WDR25: variants seen among roughly 807,000 people sequenced by gnomAD.
The protein encoded by WDR25 is WD repeat domain 25.
A neutral mutation model predicts 47.7 loss-of-function variants in WDR25; 35 were observed. The ratio of observed to expected loss-of-function variants is 0.73; its 90% CI spans 0.56 to 0.97. WDR25 has a LOEUF of 0.97. WDR25 is among the 50% of genes least tolerant of loss of function. WDR25 has a pLI of 0.00. For synonymous variants in WDR25, 248 were observed against 278.9 expected, an observed-to-expected ratio of 0.89 and a Z score of 1.10; for missense variants, 634 against 704.7, an observed-to-expected ratio of 0.90 and a Z score of 1.14.
intron 2 of WDR25, among the ~76,000 whole-genome samples, chr14:100,403,766 A>G (rs1369005960): frequency 1.3e-5 from 2 of 152,182 alleles, no homozygotes; most frequent in Non-Finnish European, 2.9e-5. Flanking sequence ...GGCTGGAATG[A>G]GGCAGAATTA....
intron 3 of WDR25, chr14:100,480,907 G>A (rs965255428): frequency 3.1e-6 from 1 of 326,370 alleles, no homozygotes; most frequent in Non-Finnish European, 6.1e-6. Context: ...AAAGGCTCTC[G>A]TGGCTCTGCA....
At chr14:100,454,575 A>G (rs1899141377) in intron 2 of WDR25, 1 of 561,898 alleles carries the variant, frequency 1.8e-6, no homozygotes, top group Admixed American at 2.4e-5. Flanking sequence ...AAGCAGGCAG[A>G]GACTGGACAG....
chr14:100,529,513 C>T lies in WDR25; in HGVS notation c.1413+305C>T. On this transcript the variant is annotated intron_variant, in intron 6 of 6. Transcript: ENST00000402312. This position sits in a 1 kb window ranked among gnomAD's most constrained non-coding sequence, Gnocchi z 5.1. ...TGTCATTTCTGCATCCTTCCCTTTC[C>T]TCACTGAGGCCAAGCCTTGCTGGGG... 1.7e-6 allele frequency: 1 copy of T among 590,050 alleles called. No individual in the cohort carries two copies. Among genetic ancestry groups the T allele is most frequent in the Middle Eastern group, 4.2e-4 (1 of 2,358 alleles). 36.6% of individuals were successfully genotyped at this position (590,050 alleles called of 1,614,324 possible).
intron 4 of WDR25, among the ~76,000 whole-genome samples, chr14:100,524,382 G>A (rs1033777978): frequency 3.3e-5 from 5 of 152,172 alleles, no homozygotes; most frequent in Non-Finnish European, 1.5e-5. Context: ...CCCTGGGTCA[G>A]CCTCTTAGGG....
Position 100,529,283 on chromosome 14 carries a change from C to T in WDR25, c.1413+75C>T. On this transcript the variant is annotated intron_variant, in intron 6 of 6. Transcript: ENST00000402312. The surrounding 1 kb of genome is among the most constrained non-coding windows in gnomAD (Gnocchi z 5.1). The stretch of plus-strand genomic sequence containing the variant: ...CTCCTGGCAGTCCTGGACATGGGCC[C>T]TGGGGTGCATGGAGCCTCTGTCTGG... 6.3e-7 allele frequency: 1 copy of T among 1,592,224 alleles called. No homozygotes were observed. Among genetic ancestry groups the T allele is most frequent in the South Asian group, 1.1e-5 (1 of 90,322 alleles).
At chr14:100,493,813 T>G (rs1402205701) in intron 4 of WDR25, among the ~76,000 whole-genome samples, 2 of 151,966 alleles carry the variant, frequency 1.3e-5, no homozygotes, top group East Asian at 3.9e-4. Context: ...AGTCATTGGG[T>G]GGTAATTAGG....
rs1016249536 is a variant in WDR25 at position 100,468,404 on chromosome 14, C to G, written c.970+236C>G. Among the ~76,000 whole-genome samples the G allele has an allele frequency of 6.6e-6, 1 of 152,248 alleles. No homozygotes were observed. The highest frequency in any genetic ancestry group is 2.4e-5 in the African/African-American group (1 of 41,472). ...ACAGAGGACAGAGCCCCAAGGTTGT[C>G]TCAGCCTCAAGCCATGGGGCTGGAT... On this transcript the variant is annotated intron_variant, in intron 3 of 6. Transcript: ENST00000402312. This position sits in a 1 kb window ranked among gnomAD's most constrained non-coding sequence, Gnocchi z 4.5.
At chr14:100,524,630 A>C (rs569702564) in intron 4 of WDR25, among the ~76,000 whole-genome samples, 1 of 152,278 alleles carries the variant, frequency 6.6e-6, no homozygotes, top group East Asian at 1.9e-4. Flanking sequence ...GAAGAGGCTC[A>C]GAGAAGAGCG....
intron 2 of WDR25, among the ~76,000 whole-genome samples, chr14:100,413,884 C>T (rs1897788957): frequency 1.3e-5 from 2 of 152,164 alleles, no homozygotes; most frequent in South Asian, 2.1e-4. Context: ...AGCCATTTAT[C>T]CCTTTTTATT....
At chr14:100,417,066 G>C (rs762171851) in intron 2 of WDR25, among the ~76,000 whole-genome samples, 7 of 152,210 alleles carry the variant, frequency 4.6e-5, no homozygotes, top group Non-Finnish European at 1.0e-4. Flanking sequence ...TTGGGAGAAA[G>C]AGTCCCTCCA....
At chr14:100,528,460 G>A (rs1382281558) in intron 5 of WDR25, among the ~76,000 whole-genome samples, 10 of 129,148 alleles carry the variant, frequency 7.7e-5, no homozygotes, top group African/African-American at 2.8e-4. Context: ...TTGTAGAGAT[G>A]GGGTTTTGCC....
chr14:100,475,571 T>A (rs991092996), intron 3 of WDR25, among the ~76,000 whole-genome samples: 36 of 152,036 alleles, frequency 2.4e-4, no homozygotes, highest in African/African-American at 8.5e-4. Flanking sequence ...ATGTGGAAGC[T>A]AAAAAAGTTG....
At chr14:100,433,663 T>TC (rs542862027) in intron 2 of WDR25, among the ~76,000 whole-genome samples, 88 of 151,686 alleles carry the variant, frequency 5.8e-4, no homozygotes, top group Middle Eastern at 3.4e-3. Context: ...GAGTTTTCAT[T>TC]CCCCCCCCAT....
intron 2 of WDR25, among the ~76,000 whole-genome samples, chr14:100,427,371 C>T (rs1466597167): frequency 6.6e-6 from 1 of 152,180 alleles, no homozygotes. Flanking sequence ...CAAATGTATC[C>T]CGTTCACCAT....
At chr14:100,470,484 A>G (rs1899792416) in intron 3 of WDR25, among the ~76,000 whole-genome samples, 1 of 146,300 alleles carries the variant, frequency 6.8e-6, no homozygotes, top group South Asian at 2.1e-4. Flanking sequence ...AATGCATGCA[A>G]TTGTATGTGT....
chr14:100,493,717 C>T (rs1255387710), intron 4 of WDR25, among the ~76,000 whole-genome samples: 1 of 152,148 alleles, frequency 6.6e-6, no homozygotes, highest in Non-Finnish European at 1.5e-5. Flanking sequence ...TGTTTAATGA[C>T]ATGTACAATA....
At position 100,449,852 on chromosome 14, in the gene WDR25, A is replaced by AG. The variant is rs1255489860; in HGVS notation, c.823-18164dup. 6.6e-6 allele frequency among the ~76,000 whole-genome samples: 1 copy of AG among 152,150 alleles called. No individual in the cohort carries two copies. Among genetic ancestry groups the AG allele is most frequent in the Non-Finnish European group, 1.5e-5 (1 of 68,020 alleles). On this transcript the variant is annotated intron_variant, in intron 2 of 6. Coordinates refer to ENST00000402312, the MANE Select transcript of WDR25 (RefSeq NM_001161476.3). This position sits in a 1 kb window ranked among gnomAD's most constrained non-coding sequence, Gnocchi z 4.2. ...CTGCCTCTGCTATGGTGTGATCAGA[A>AG]GGGGGCTGTCTCCTGCTGTTACGCC...
rs188962290 is a variant in WDR25 at position 100,499,984 on chromosome 14, G to T, written c.1101+15860G>T. Among the ~76,000 whole-genome samples the T allele has an allele frequency of 1.7e-3, 261 of 152,284 alleles. No individual in the cohort carries two copies. The highest frequency in any genetic ancestry group is 5.8e-3 in the African/African-American group (241 of 41,544). On this transcript the variant is annotated intron_variant, in intron 4 of 6. Coordinates refer to ENST00000402312, the MANE Select transcript of WDR25 (RefSeq NM_001161476.3). The surrounding 1 kb of genome is among the most constrained non-coding windows in gnomAD (Gnocchi z 4.4). ...CTGGTGGGGAGACAGAGCTGTCCCT[G>T]AGATGGGGGATGGTACAAGCATTGG...
At chr14:100,435,408 T>C (rs933797731) in intron 2 of WDR25, among the ~76,000 whole-genome samples, 3 of 152,248 alleles carry the variant, frequency 2.0e-5, no homozygotes, top group Non-Finnish European at 4.4e-5. Flanking sequence ...AAATTTGTTG[T>C]GTGTACATGT....
Sources: gnomAD v4.1 joint callset for allele counts (sites outside exome capture counted in the v4.1 genomes callset) on GRCh38, gnomAD v4.1.1 for gene constraint, Gnocchi (gnomAD v3.1) non-coding constraint, MANE v1.5 for transcripts, NCBI Gene and HGNC (gene_info 2026-07-23, HGNC 2026-07-21) for gene names.